The following PARD3 variants were observed in gnomAD, a reference collection of about 807,000 sequenced individuals.
PARD3 encodes partitioning defective 3 homolog.
A neutral mutation model predicts 155.4 loss-of-function variants in PARD3; 75 were observed. That is an observed-to-expected ratio of 0.48 (90% CI 0.40 to 0.58). The LOEUF (loss-of-function observed/expected upper bound fraction) is 0.58. Among genes scored for constraint, PARD3 ranks in the 20% least tolerant of loss-of-function variants. The pLI is 0.00. For missense variants in PARD3, 1,642 were observed against 1,721.7 expected, an observed-to-expected ratio of 0.95 and a Z score of 0.82; for synonymous variants, 576 against 610.5, an observed-to-expected ratio of 0.94 and a Z score of 0.83.
At chr10:34,780,612 T>C (rs1280332948) in intron 1 of PARD3, among the ~76,000 whole-genome samples, 1 of 152,222 alleles carries the variant, frequency 6.6e-6, no homozygotes, top group Non-Finnish European at 1.5e-5. Flanking sequence ...ATAAAAGCAC[T>C]GCTCAGTAGA....
chr10:34,218,927 G>A (rs1057204346), intron 22 of PARD3, among the ~76,000 whole-genome samples: 3 of 152,126 alleles, frequency 2.0e-5, no homozygotes, highest in Non-Finnish European at 2.9e-5. Flanking sequence ...GATCAGATCC[G>A]CATTCCAAGT....
At position 34,505,426 on chromosome 10, in the gene PARD3, T is replaced by C. The variant is rs73263309; in HGVS notation, c.403+11553A>G. The stretch of plus-strand genomic sequence containing the variant: ...GGGAAAAAATGAATGTGTAAACCTG[T>C]TCTTCCCTAAGATTTCATCAGGTTT... On this transcript the variant is annotated intron_variant, in intron 3 of 24. Transcript: ENST00000374788. 3.7e-3 allele frequency among the ~76,000 whole-genome samples: 567 copies of C among 152,318 alleles called. 2 individuals are homozygous for C. Among genetic ancestry groups the C allele is most frequent in the African/African-American group, 0.013 (535 of 41,570 alleles).
At chr10:34,162,117 C>G (rs201901034) in intron 22 of PARD3, among the ~76,000 whole-genome samples, 4 of 152,134 alleles carry the variant, frequency 2.6e-5, no homozygotes, top group African/African-American at 7.2e-5. Flanking sequence ...GACCCACCCC[C>G]CAAGTATTTA....
chr10:34,679,493 G>A (rs12251356), intron 2 of PARD3, among the ~76,000 whole-genome samples: 2,899 of 152,190 alleles, frequency 0.019, 94 homozygotes, highest in African/African-American at 0.066. Flanking sequence ...AGGAGCCCTC[G>A]GAGTGTGACT....
chr10:34,700,560 C>T (rs1406449734), intron 1 of PARD3, among the ~76,000 whole-genome samples: 8 of 151,866 alleles, frequency 5.3e-5, no homozygotes, highest in African/African-American at 1.7e-4. Context: ...TAACTTAAGA[C>T]CAGAAAAAGA....
At chr10:34,761,033 A>G (rs1225906219) in intron 1 of PARD3, among the ~76,000 whole-genome samples, 4 of 152,250 alleles carry the variant, frequency 2.6e-5, no homozygotes, top group African/African-American at 9.6e-5. Flanking sequence ...CACAGAACAT[A>G]TAACATTATT....
At position 34,815,078 on chromosome 10, in the gene PARD3, G is replaced by T; in HGVS notation, c.-83C>A. On this transcript the variant is annotated 5_prime_UTR_variant, in exon 1 of 25. Transcript: ENST00000374788. ...GGCCGGGACCGAGGACGCTGGGCGC[G>T]GAGGAGCCGCTGGGGACTCGGGCGC... The T allele has an allele frequency of 9.8e-7, 1 of 1,021,168 alleles. No homozygotes were observed. The highest frequency in any genetic ancestry group is 1.7e-5 in the African/African-American group (1 of 58,156). 63.3% of individuals were successfully genotyped at this position (1,021,168 alleles called of 1,614,324 possible).
intron 12 of PARD3, 106 bp from the exon 13 acceptor site, chr10:34,360,365 T>C: frequency 1.4e-6 from 1 of 728,876 alleles, no homozygotes; most frequent in Admixed American, 2.4e-5. Flanking sequence ...AGAGGCAAAA[T>C]ATTTCCATGA....
intron 19 of PARD3, among the ~76,000 whole-genome samples, chr10:34,322,682 T>C (rs1174060317): frequency 6.6e-6 from 1 of 152,162 alleles, no homozygotes; most frequent in Non-Finnish European, 1.5e-5. Flanking sequence ...ATCATAGTAT[T>C]ACTTTGTATT....
intron 1 of PARD3, among the ~76,000 whole-genome samples, chr10:34,737,553 C>T (rs2094937113): frequency 6.6e-6 from 1 of 152,154 alleles, no homozygotes; most frequent in Non-Finnish European, 1.5e-5. Flanking sequence ...CATTTGTGTC[C>T]CCTCCACAAT....
intron 2 of PARD3, among the ~76,000 whole-genome samples, chr10:34,540,482 T>C (rs1204419197): frequency 6.6e-6 from 1 of 152,154 alleles, no homozygotes; most frequent in Admixed American, 6.5e-5. Flanking sequence ...TGGCCAGGCA[T>C]TGTGGCTCAC....
At chr10:34,807,593 G>C (rs1283101991) in intron 1 of PARD3, among the ~76,000 whole-genome samples, 3 of 152,106 alleles carry the variant, frequency 2.0e-5, no homozygotes, top group Non-Finnish European at 4.4e-5. Flanking sequence ...CATGTTATAG[G>C]AACAGAATTA....
At chr10:34,703,183 G>A (rs1026990496) in intron 1 of PARD3, among the ~76,000 whole-genome samples, 5 of 151,932 alleles carry the variant, frequency 3.3e-5, no homozygotes, top group African/African-American at 1.2e-4. Context: ...AGGAGTTTAA[G>A]GCCAGCCTGG....
At chr10:34,222,981 G>A (rs1464224320) in intron 22 of PARD3, among the ~76,000 whole-genome samples, 2 of 152,148 alleles carry the variant, frequency 1.3e-5, no homozygotes, top group South Asian at 2.1e-4. Context: ...CAGGTGTACC[G>A]TGGGCCCGGA....
chr10:34,345,678 A>G, intron 15 of PARD3: 1 of 985,350 alleles, frequency 1.0e-6, no homozygotes, highest in Non-Finnish European at 1.2e-6. Context: ...AAAAACATAA[A>G]TCCGAATTTT....
At chr10:34,386,659 C>A (rs1290906725) in intron 7 of PARD3, among the ~76,000 whole-genome samples, 1 of 151,860 alleles carries the variant, frequency 6.6e-6, no homozygotes, top group Admixed American at 6.6e-5. Context: ...CCCCTCTCTA[C>A]TAAAAGTATA....
At chr10:34,633,684 T>TG (rs1412715851) in intron 2 of PARD3, among the ~76,000 whole-genome samples, 1 of 152,218 alleles carries the variant, frequency 6.6e-6, no homozygotes, top group Non-Finnish European at 1.5e-5. Flanking sequence ...ATCTTTCAGG[T>TG]AAACACCCAG....
In PARD3 at chr10:34,337,444, T is replaced by C. The variant is rs770136372; in HGVS notation, c.2409-18A>G. On this transcript the variant is annotated intron_variant, in intron 16 of 24. Transcript: ENST00000374788. The stretch of plus-strand genomic sequence containing the variant: ...TCAAAGAGCTGGAGTGAAGAAAAAA[T>C]AAAAATAAAAATATTTACTAAAAAT... 2.0e-6 allele frequency: 3 copies of C among 1,505,784 alleles called. No individual in the cohort carries two copies. The highest frequency in any genetic ancestry group is 1.8e-6 in the Non-Finnish European group (2 of 1,128,282). The allele number at this position is 1,505,784 out of a possible 1,614,324, so 93.3% of individuals were successfully genotyped here. A position where few individuals can be genotyped will look rare whatever the true frequency, so the allele number is the denominator to read the frequency against.
intron 9 of PARD3, among the ~76,000 whole-genome samples, chr10:34,379,702 C>T (rs1841630603): frequency 6.6e-6 from 1 of 152,088 alleles, no homozygotes; most frequent in Non-Finnish European, 1.5e-5. Flanking sequence ...TATCAATTTT[C>T]ATTTAACAAA....
Sources: allele counts gnomAD v4.1 joint callset (sites outside exome capture counted in the v4.1 genomes callset), GRCh38; gene constraint gnomAD v4.1.1; transcripts MANE v1.5; gene names NCBI Gene and HGNC (gene_info 2026-07-23, HGNC 2026-07-21).